OR8J3: variants seen among roughly 807,000 people sequenced by gnomAD.
OR8J3 encodes olfactory receptor family 8 subfamily J member 3.
For synonymous variants in OR8J3, 170 were observed against 142.6 expected, an observed-to-expected ratio of 1.19 and a Z score of -1.37; for missense variants, 418 against 379.8, an observed-to-expected ratio of 1.10 and a Z score of -0.84.
In OR8J3 at chr11:56,135,042, T is replaced by TA; in HGVS notation, c.*1728dup. The TA allele has an allele frequency of 6.6e-6, 1 of 152,030 alleles. No homozygotes were observed. The highest frequency in any genetic ancestry group is 1.5e-5 in the Non-Finnish European group (1 of 67,878). The allele number at this position is 152,030 out of a possible 1,614,324, so 9.4% of individuals were successfully genotyped here. On this transcript the variant is annotated 3_prime_UTR_variant, in exon 2 of 2. Transcript: ENST00000642058. ...CCGACATCAATATATATAGATCTGG[T>TA]AAAATTCATTATATTTCATTTGTCA...
In OR8J3 at chr11:56,136,350, T is replaced by TA. The variant is rs1467749520; in HGVS notation, c.*420dup. 2.0e-5 allele frequency: 3 copies of TA among 152,402 alleles called. No homozygotes were observed. The highest frequency in any genetic ancestry group is 7.2e-5 in the African/African-American group (3 of 41,456). 9.4% of individuals were successfully genotyped at this position (152,402 alleles called of 1,614,324 possible). ...CAGTTCAAATTTGTTAACTTTGTTG[T>TA]AAAAATGATTTTAGTCATCTGTAGT... On this transcript the variant is annotated 3_prime_UTR_variant, in exon 2 of 2. Coordinates refer to ENST00000642058, the MANE Select transcript of OR8J3 (RefSeq NM_001004064.2).
In OR8J3 at chr11:56,135,051, T is replaced by C. The variant is rs758124447; in HGVS notation, c.*1720A>G. The C allele has an allele frequency of 1.3e-5, 2 of 152,036 alleles. No individual in the cohort carries two copies. The highest frequency in any genetic ancestry group is 2.9e-5 in the Non-Finnish European group (2 of 67,898). 9.4% of individuals were successfully genotyped at this position (152,036 alleles called of 1,614,324 possible). ...ATATATATAGATCTGGTAAAATTCA[T>C]TATATTTCATTTGTCATATTTGGCT... On this transcript the variant is annotated 3_prime_UTR_variant, in exon 2 of 2. Coordinates refer to ENST00000642058, the MANE Select transcript of OR8J3 (RefSeq NM_001004064.2).
At position 56,140,159 on chromosome 11, in the gene OR8J3, A is replaced by G. The variant is rs1854374748; in HGVS notation, c.-780+14T>C. On this transcript the variant is annotated intron_variant, in intron 1 of 1. Transcript: ENST00000642058. ...TGCCCTTGAAAATTGTCAATGATCA[A>G]TGTTTCTACTTACTTCAACAGAGAA... is the stretch of plus-strand genomic sequence containing the variant. 1 of 152,198 alleles carries G rather than the reference A, an allele frequency of 6.6e-6. No homozygotes were observed. Among genetic ancestry groups the G allele is most frequent in the Non-Finnish European group, 1.5e-5 (1 of 68,036 alleles). 9.4% of individuals were successfully genotyped at this position (152,198 alleles called of 1,614,324 possible).
Position 56,137,169 on chromosome 11 carries a change from G to A in OR8J3, c.550C>T (p.Leu184=), listed in dbSNP as rs1221940095. The stretch of plus-strand genomic sequence containing the variant: ...GTATCAGAGCAAGATAATGCTAACA[G>A]AGGTGCAATATCACAGTAAAAATGA... ...INHFYCDIAP[L]LALSCSDTYI... Residue 184 remains leucine (L), a synonymous_variant, in exon 2 of 2, where the codon CTG becomes TTG. Coordinates refer to ENST00000642058, the MANE Select transcript of OR8J3 (RefSeq NM_001004064.2). 6 of 1,613,538 alleles carry A rather than the reference G, an allele frequency of 3.7e-6. No homozygotes were observed. The African/African-American group carries it at 5.3e-5, about 14-fold the overall frequency.
intron 1 of OR8J3, among the ~76,000 whole-genome samples, chr11:56,139,664 A>G (rs752674335): frequency 3.3e-5 from 5 of 152,250 alleles, no homozygotes; most frequent in Non-Finnish European, 7.3e-5. Context: ...AACAAACAAG[A>G]TAATATACTA....
rs1445226670 is a variant in OR8J3 at position 56,136,308 on chromosome 11, AT to A, written c.*462del. On this transcript the variant is annotated 3_prime_UTR_variant, in exon 2 of 2. Coordinates refer to ENST00000642058, the MANE Select transcript of OR8J3 (RefSeq NM_001004064.2). ...ACAATATTAAGAGTTAAAGAGCTTT[AT>A]TTTAAATATTATTGTCAGTTCAAAT... 3 of 152,112 alleles carry A rather than the reference AT, an allele frequency of 2.0e-5. No homozygotes were observed. Among genetic ancestry groups the A allele is most frequent in the Admixed American group, 6.5e-5 (1 of 15,272 alleles). 9.4% of individuals were successfully genotyped at this position (152,112 alleles called of 1,614,324 possible).
In OR8J3 at chr11:56,136,636, A is replaced by AT. The variant is rs368133342; in HGVS notation, c.*134dup. ...CTCATAACTCAAAATGTTTCCATGT[A>AT]TTTTTTTTAATTCAATGATCTTTAA... On this transcript the variant is annotated 3_prime_UTR_variant, in exon 2 of 2. Transcript: ENST00000642058. 150 of 510,832 alleles carry AT rather than the reference A, an allele frequency of 2.9e-4. No individual in the cohort carries two copies. The highest frequency in any genetic ancestry group is 2.0e-3 in the South Asian group (51 of 25,394). The allele number at this position is 510,832 out of a possible 1,614,324, so 31.6% of individuals were successfully genotyped here. A position where few individuals can be genotyped will look rare whatever the true frequency, so the allele number is the denominator to read the frequency against.
In OR8J3 at chr11:56,137,648, T is replaced by A. The variant is rs527357909; in HGVS notation, c.71A>T (p.Gln24Leu). Residue 24 changes from glutamine (Q) to leucine (L), a missense_variant, in exon 2 of 2, where the codon CAG becomes CTG. Gln to Leu is a moderately radical substitution (Grantham distance 113). Coordinates refer to ENST00000642058, the MANE Select transcript of OR8J3 (RefSeq NM_001004064.2). ...LTGVSSCPEL[Q>L]IPLFLVFLVL... Reference sequence around the variant, plus strand: ...TAGGAAGACCAGGAAGAGGGGAATCTGGAGCTCTGGACAGCTAGAGACACC... The same window carrying A: ...TAGGAAGACCAGGAAGAGGGGAATCAGGAGCTCTGGACAGCTAGAGACACC... 2 of 1,614,194 alleles carry A rather than the reference T, an allele frequency of 1.2e-6. No individual in the cohort carries two copies. Among genetic ancestry groups the A allele is most frequent in the East Asian group, 2.2e-5 (1 of 44,874 alleles).
At position 56,136,515 on chromosome 11, in the gene OR8J3, T is replaced by A. The variant is rs1854331022; in HGVS notation, c.*256A>T. ...TGTTAAAACTTAACCTTTTAAAAAC[T>A]GATATGCTCCTTACTCCTGAAAATA... On this transcript the variant is annotated 3_prime_UTR_variant, in exon 2 of 2. Coordinates refer to ENST00000642058, the MANE Select transcript of OR8J3 (RefSeq NM_001004064.2). 8.6e-6 allele frequency: 2 copies of A among 233,108 alleles called. No individual in the cohort carries two copies. The highest frequency in any genetic ancestry group is 1.6e-5 in the Non-Finnish European group (2 of 122,250). The allele number at this position is 233,108 out of a possible 1,614,324, so 14.4% of individuals were successfully genotyped here. A position where few individuals can be genotyped will look rare whatever the true frequency, so the allele number is the denominator to read the frequency against.
intron 1 of OR8J3, among the ~76,000 whole-genome samples, chr11:56,138,930 G>GT (rs202009899): frequency 0.012 from 1,810 of 150,618 alleles, 33 homozygotes; most frequent in African/African-American, 0.04. Context: ...TAGCTGATCT[G>GT]TTTTTTTTAC....
Position 56,137,018 on chromosome 11 carries a change from C to T in OR8J3, c.701G>A (p.Arg234Lys), listed in dbSNP as rs1244601435. ...SILRIRSPEG[R>K]KKAFSTCASH... ...AGCGCAGGTGGAAAAGGCTTTTTTC[C>T]TTCCTTCTGGTGAACGTATCCTTAG... Residue 234 changes from arginine to lysine, a missense_variant, in exon 2 of 2, where the codon AGG (arginine) becomes AAG (lysine). By Grantham distance (26) the Arg-to-Lys change is conservative. Transcript: ENST00000642058. The T allele has an allele frequency of 1.2e-6, 2 of 1,613,264 alleles. No individual in the cohort carries two copies. The highest frequency in any genetic ancestry group is 8.5e-7 in the Non-Finnish European group (1 of 1,179,762).
rs1468112427 is a variant in OR8J3, at chr11:56,137,677, G to A, written c.42C>T (p.Leu14=). 18 of 1,610,960 alleles carry A rather than the reference G, an allele frequency of 1.1e-5. No homozygotes were observed. The highest frequency in any genetic ancestry group is 4.5e-5 in the East Asian group (2 of 44,884). Residue 14 remains leucine, a synonymous_variant, in exon 2 of 2, where the codon CTC becomes CTT. Coordinates refer to ENST00000642058, the MANE Select transcript of OR8J3 (RefSeq NM_001004064.2). ...GCTCTGGACAGCTAGAGACACCTGT[G>A]AGAATAAACTCAGTGACCCTGGTGA... is the stretch of plus-strand genomic sequence containing the variant. The part of the protein sequence containing the change: ...ENFTRVTEFI[L]TGVSSCPELQ...
rs781688670 is a variant in OR8J3 at position 56,137,698 on chromosome 11, G to A, written c.21C>T (p.Thr7=). Residue 7 remains threonine, a synonymous_variant, in exon 2 of 2, where the codon ACC becomes ACT. Transcript: ENST00000642058. ...CTGTGAGAATAAACTCAGTGACCCT[G>A]GTGAAATTTTCAGGAGCCATGTCAG... MAPENF[T]RVTEFILTGV... is the part of the protein sequence containing the mutation. 2 of 1,599,744 alleles carry A rather than the reference G, an allele frequency of 1.3e-6. No homozygotes were observed. The highest frequency in any genetic ancestry group is 1.1e-5 in the South Asian group (1 of 88,458).
intron 1 of OR8J3, among the ~76,000 whole-genome samples, chr11:56,139,470 A>C (rs1474154923): frequency 6.6e-6 from 1 of 152,136 alleles, no homozygotes; most frequent in Non-Finnish European, 1.5e-5. Flanking sequence ...GGTTCTGTGA[A>C]TTATCCTCTT....
In OR8J3 at chr11:56,137,947, A is replaced by T. The variant is rs1854352291; in HGVS notation, c.-229T>A. On this transcript the variant is annotated 5_prime_UTR_variant, in exon 2 of 2. Transcript: ENST00000642058. ...AAGTATGGTAAATTTAGTATGGCAAAGTAAATAGTTGTTTCAGCATCCTGC... is the reference window on the plus strand; with the variant it reads ...AAGTATGGTAAATTTAGTATGGCAATGTAAATAGTTGTTTCAGCATCCTGC... The T allele has an allele frequency of 3.9e-6, 2 of 513,906 alleles. No homozygotes were observed. The highest frequency in any genetic ancestry group is 6.8e-6 in the Non-Finnish European group (2 of 293,190). The allele number at this position is 513,906 out of a possible 1,614,324, so 31.8% of individuals were successfully genotyped here. A position where few individuals can be genotyped will look rare whatever the true frequency, so the allele number is the denominator to read the frequency against.
At position 56,137,143 on chromosome 11, in the gene OR8J3, A is replaced by G. The variant is rs1854339648; in HGVS notation, c.576T>C (p.Thr192=). 1 of 1,613,258 alleles carries G rather than the reference A, an allele frequency of 6.2e-7. No individual in the cohort carries two copies. The change falls in exon 2 of 2, where the codon ACT becomes ACC. Residue 192 remains threonine, a synonymous_variant. Transcript: ENST00000642058. ...APLLALSCSD[T]YIPETIVFIS... ...TAAAGACTATTGTTTCTGGTATGTAAGTATCAGAGCAAGATAATGCTAACA... is the reference window on the plus strand; with the variant it reads ...TAAAGACTATTGTTTCTGGTATGTAGGTATCAGAGCAAGATAATGCTAACA...
rs1854356319 is a variant in OR8J3, at chr11:56,138,381, A to C, written c.-663T>G. The C allele has an allele frequency of 6.6e-6, 1 of 152,090 alleles. No homozygotes were observed. The highest frequency in any genetic ancestry group is 2.4e-5 in the African/African-American group (1 of 41,406). The allele number at this position is 152,090 out of a possible 1,614,324, so 9.4% of individuals were successfully genotyped here. A position where few individuals can be genotyped will look rare whatever the true frequency, so the allele number is the denominator to read the frequency against. On this transcript the variant is annotated 5_prime_UTR_variant, in exon 2 of 2. Coordinates refer to ENST00000642058, the MANE Select transcript of OR8J3 (RefSeq NM_001004064.2). ...GGTTTCCATAAATAATATCAGTAAA[A>C]TTTTGTGCAGGCGTGGTGGCTCAAA...
rs954450146 is a variant in OR8J3, at chr11:56,135,655, C to T, written c.*1116G>A. On this transcript the variant is annotated 3_prime_UTR_variant, in exon 2 of 2. Coordinates refer to ENST00000642058, the MANE Select transcript of OR8J3 (RefSeq NM_001004064.2). The stretch of plus-strand genomic sequence containing the variant: ...GACTGAAGATTTAGTTTCTTTGGTC[C>T]TTTAGTCCTGAAGGAACTCTTTAAC... The T allele has an allele frequency of 6.6e-6, 1 of 151,594 alleles. No homozygotes were observed. The highest frequency in any genetic ancestry group is 1.5e-5 in the Non-Finnish European group (1 of 67,806). 9.4% of individuals were successfully genotyped at this position (151,594 alleles called of 1,614,324 possible).
rs1357847060 is a variant in OR8J3 at position 56,135,896 on chromosome 11, ATATAT to A, written c.*870_*874del. 1 of 152,002 alleles carries A rather than the reference ATATAT, an allele frequency of 6.6e-6. No homozygotes were observed. The highest frequency in any genetic ancestry group is 1.5e-5 in the Non-Finnish European group (1 of 67,882). 9.4% of individuals were successfully genotyped at this position (152,002 alleles called of 1,614,324 possible). A position where few individuals can be genotyped will look rare whatever the true frequency, so the allele number is the denominator to read the frequency against. On this transcript the variant is annotated 3_prime_UTR_variant, in exon 2 of 2. Coordinates refer to ENST00000642058, the MANE Select transcript of OR8J3 (RefSeq NM_001004064.2). The stretch of plus-strand genomic sequence containing the variant: ...ATATCCTATAAGTCTGATTACTCCT[ATATAT>A]TATAAGTTGTACAATAGGTGTAAGT...
Sources: allele counts gnomAD v4.1 joint callset (sites outside exome capture counted in the v4.1 genomes callset), GRCh38; gene constraint gnomAD v4.1.1; transcripts MANE v1.5; gene names NCBI Gene and HGNC (gene_info 2026-07-23, HGNC 2026-07-21).